Variants in TBC1D9 observed in about 807,000 individuals in gnomAD.
TBC1D9 encodes TBC1 domain family member 9A.
In TBC1D9, 63 loss-of-function variants were observed where a neutral mutation model predicts 132.0. That is an observed-to-expected ratio of 0.48 (90% CI 0.39 to 0.59). TBC1D9 has a LOEUF of 0.59. TBC1D9 is among the 20% of genes least tolerant of loss of function. The pLI is 0.00. For missense variants in TBC1D9, 1,261 were observed against 1,592.7 expected (o/e 0.79, Z 3.54); for synonymous variants, 610 against 609.9 (o/e 1.00, Z 0.00).
intron 1 of TBC1D9, among the ~76,000 whole-genome samples, chr4:140,751,405 C>A (rs1413766696): frequency 6.6e-6 from 1 of 152,098 alleles, no homozygotes; most frequent in Non-Finnish European, 1.5e-5. Flanking sequence ...CAATACCTAA[C>A]CCCTACTTCA....
chr4:140,725,760 A>G (rs1435588818), intron 1 of TBC1D9, among the ~76,000 whole-genome samples: 1 of 152,096 alleles, frequency 6.6e-6, no homozygotes, highest in Non-Finnish European at 1.5e-5. Flanking sequence ...AAAGCACGGT[A>G]TGGAAAAACC....
intron 13 of TBC1D9, among the ~76,000 whole-genome samples, chr4:140,640,318 G>A (rs1349147511): frequency 6.6e-6 from 1 of 152,000 alleles, no homozygotes; most frequent in Non-Finnish European, 1.5e-5. Flanking sequence ...GGTATCACAT[G>A]TTGTGTGAAA....
intron 8 of TBC1D9, 100 bp downstream of exon 8, chr4:140,669,534 C>G (rs1159011683): frequency 3.1e-6 from 4 of 1,274,134 alleles, no homozygotes; most frequent in African/African-American, 1.5e-5. Context: ...AGGAAAATCT[C>G]CATTTACATA....
intron 9 of TBC1D9, among the ~76,000 whole-genome samples, chr4:140,662,383 C>T (rs1560877399): frequency 6.6e-6 from 1 of 152,128 alleles, no homozygotes; most frequent in Non-Finnish European, 1.5e-5. Context: ...CTGAGGAACT[C>T]CCACAGACAG....
At chr4:140,625,955 T>C (rs943632335) in intron 18 of TBC1D9, among the ~76,000 whole-genome samples, 1 of 152,246 alleles carries the variant, frequency 6.6e-6, no homozygotes, top group South Asian at 2.1e-4. Context: ...AACATTTCCA[T>C]GCAAAGCAAT....
intron 13 of TBC1D9, chr4:140,643,561 T>C: frequency 2.3e-6 from 2 of 882,372 alleles, no homozygotes; most frequent in Non-Finnish European, 3.5e-6. Context: ...ATTTCTAGGC[T>C]GGGCTGGGGC....
chr4:140,745,762 G>A (rs1322226573), intron 1 of TBC1D9, among the ~76,000 whole-genome samples: 2 of 151,996 alleles, frequency 1.3e-5, no homozygotes, highest in African/African-American at 2.4e-5. Flanking sequence ...CTGCATGGGG[G>A]ATTGGCATCC....
At chr4:140,733,274 T>C (rs759282579) in intron 1 of TBC1D9, among the ~76,000 whole-genome samples, 8 of 152,172 alleles carry the variant, frequency 5.3e-5, no homozygotes. Flanking sequence ...CTTTCCTTAC[T>C]CCCCTTTGAA....
chr4:140,655,863 TA>T (rs1433915377), intron 13 of TBC1D9, among the ~76,000 whole-genome samples: 12 of 152,126 alleles, frequency 7.9e-5, no homozygotes. Context: ...AAAGAAGCCC[TA>T]AGTACTTAGC....
chr4:140,752,401 G>A (rs1738940016), intron 1 of TBC1D9, among the ~76,000 whole-genome samples: 1 of 152,026 alleles, frequency 6.6e-6, no homozygotes, highest in Non-Finnish European at 1.5e-5. Flanking sequence ...TTAGGGATAT[G>A]TTCTTTGGAA....
At chr4:140,719,367 C>T (rs573445290) in intron 1 of TBC1D9, among the ~76,000 whole-genome samples, 1 of 152,222 alleles carries the variant, frequency 6.6e-6, no homozygotes, top group African/African-American at 2.4e-5. Flanking sequence ...CTCATGTAAT[C>T]TAACTAGGAT....
intron 12 of TBC1D9, 87 bp from the exon 13 acceptor site, chr4:140,657,313 A>G: frequency 6.6e-7 from 1 of 1,505,194 alleles, no homozygotes; most frequent in South Asian, 1.3e-5. Context: ...CAAGTTCTAC[A>G]TTTTAAAACA....
chr4:140,679,680 C>T lies in TBC1D9; in HGVS notation c.524G>A (p.Arg175His), dbSNP rs376048979. 9.9e-6 allele frequency: 16 copies of T among 1,613,666 alleles called. No homozygotes were observed. The highest frequency in any genetic ancestry group is 5.3e-5 in the African/African-American group (4 of 74,900). Residue 175 changes from arginine (R) to histidine (H), a missense_variant, in exon 4 of 21, where the codon CGT becomes CAT. By Grantham distance (29) the Arg-to-His change is conservative. This residue lies in a region of TBC1D9 where 550 missense variants were observed against 699.0 expected (regional missense o/e 0.79). Coordinates refer to ENST00000442267, the MANE Select transcript of TBC1D9 (RefSeq NM_015130.3). Reference protein sequence around the residue: ...SCSYWKGKVPRQGWMYLSINH... With the variant: ...SCSYWKGKVPHQGWMYLSINH... ...AATGCTGAGGTACATCCAACCCTGA[C>T]GGGGGACCTTCCCCTTCCAATAGCT... is the stretch of plus-strand genomic sequence containing the variant.
chr4:140,667,992 C>T (rs957081055), intron 9 of TBC1D9, among the ~76,000 whole-genome samples: 10 of 152,032 alleles, frequency 6.6e-5, no homozygotes, highest in African/African-American at 2.2e-4. Context: ...TTAATAATAG[C>T]ATTTGTGTCA....
intron 2 of TBC1D9, among the ~76,000 whole-genome samples, chr4:140,700,476 C>T (rs1182659871): frequency 6.6e-6 from 1 of 151,540 alleles, no homozygotes; most frequent in Non-Finnish European, 1.5e-5. Flanking sequence ...AAAACTTGCC[C>T]AGTTTGGACT....
In TBC1D9 at chr4:140,701,554, C is replaced by T. The variant is rs757700003; in HGVS notation, c.191G>A (p.Arg64Gln). 5.6e-6 allele frequency: 9 copies of T among 1,613,906 alleles called. No individual in the cohort carries two copies. The highest frequency in any genetic ancestry group is 5.1e-6 in the Non-Finnish European group (6 of 1,179,864). The change falls in exon 2 of 21, where the codon CGA (arginine) becomes CAA (glutamine). Residue 64 changes from arginine (R) to glutamine (Q), a missense_variant. Coordinates refer to ENST00000442267, the MANE Select transcript of TBC1D9 (RefSeq NM_015130.3). ...GGAGTCTGGAGTCTGGTACAAGATT[C>T]GGTAAGGAGCGACCCGGGCGCTGGA... ...LDSSARVAPY[R>Q]ILYQTPDSLV... is the part of the protein sequence containing the mutation.
chr4:140,627,341 T>C, intron 18 of TBC1D9, 100 bp downstream of exon 18: 6 of 754,682 alleles, frequency 8.0e-6, no homozygotes, highest in Middle Eastern at 5.2e-4. Context: ...CATATTTACA[T>C]ACTTCTTTGA....
intron 6 of TBC1D9, among the ~76,000 whole-genome samples, chr4:140,672,501 TA>T (rs1276884409): frequency 1.3e-5 from 2 of 152,164 alleles, no homozygotes; most frequent in African/African-American, 2.4e-5. Flanking sequence ...GTGTCTGGGA[TA>T]AATGGAAAAT....
At chr4:140,713,220 G>C (rs1266755000) in intron 1 of TBC1D9, among the ~76,000 whole-genome samples, 7 of 152,060 alleles carry the variant, frequency 4.6e-5, no homozygotes, top group Non-Finnish European at 1.0e-4. Flanking sequence ...TTACAGGTGT[G>C]AGCCGCCTCA....
Sources: allele counts gnomAD v4.1 joint callset (sites outside exome capture counted in the v4.1 genomes callset), GRCh38; gene constraint gnomAD v4.1.1; regional missense constraint gnomAD v4.1.1; transcripts MANE v1.5; gene names NCBI Gene and HGNC (gene_info 2026-07-23, HGNC 2026-07-21).